The following MARCHF1 variants were observed in gnomAD, a reference collection of about 807,000 sequenced individuals.
MARCHF1 encodes the protein membrane associated ring-CH-type finger 1.
MARCHF1 carries 40 observed loss-of-function variants against 54.2 expected under a neutral mutation model. The ratio of observed to expected loss-of-function variants is 0.74; its 90% CI spans 0.57 to 0.96. The LOEUF (loss-of-function observed/expected upper bound fraction) is 0.96, where lower values mean the gene tolerates loss of function less well. Ranked by LOEUF, MARCHF1 falls within the 40% of genes least tolerant of loss-of-function variation. The pLI is 0.00. For missense variants in MARCHF1, 586 were observed against 656.5 expected, an observed-to-expected ratio of 0.89 and a Z score of 1.17; for synonymous variants, 236 against 236.3, an observed-to-expected ratio of 1.00 and a Z score of 0.01.
At position 163,715,752 on chromosome 4, in the gene MARCHF1, T is replaced by A. The variant is rs144569607; in HGVS notation, c.112-14889A>T. 5.1e-3 allele frequency among the ~76,000 whole-genome samples: 773 copies of A among 151,064 alleles called. 3 individuals carry two copies. Among genetic ancestry groups the A allele is most frequent in the African/African-American group, 0.018 (750 of 41,310 alleles). On this transcript the variant is annotated intron_variant, in intron 4 of 9. Coordinates refer to ENST00000514618, the MANE Select transcript of MARCHF1 (RefSeq NM_001394959.1). ...CTCACTAGGGATAAAATAAAATAAATAAGGGCTAGTGTATCTGCTGAAAAT... is the reference window on the plus strand; with the variant it reads ...CTCACTAGGGATAAAATAAAATAAAAAAGGGCTAGTGTATCTGCTGAAAAT...
At chr4:164,129,471 C>T (rs1419394694) in intron 1 of MARCHF1, among the ~76,000 whole-genome samples, 1 of 106,692 alleles carries the variant, frequency 9.4e-6, no homozygotes, top group African/African-American at 3.8e-5. Context: ...AAATTTGAGA[C>T]CTTCCTTCCA....
intron 5 of MARCHF1, among the ~76,000 whole-genome samples, chr4:163,616,043 C>A (rs1006477826): frequency 6.6e-6 from 1 of 152,110 alleles, no homozygotes; most frequent in African/African-American, 2.4e-5. Context: ...AGACTTCTAT[C>A]TTTCACTATA....
intron 5 of MARCHF1, among the ~76,000 whole-genome samples, chr4:163,693,200 T>C (rs1184877708): frequency 1.3e-5 from 2 of 151,360 alleles, no homozygotes; most frequent in African/African-American, 4.9e-5. Context: ...GAGTAGGAAA[T>C]AAAACGAACG....
chr4:163,981,297 C>T (rs1193228350), intron 3 of MARCHF1, among the ~76,000 whole-genome samples: 1 of 152,208 alleles, frequency 6.6e-6, no homozygotes, highest in African/African-American at 2.4e-5. Flanking sequence ...GCTTCACTTT[C>T]GTTATCCAGA....
intron 1 of MARCHF1, among the ~76,000 whole-genome samples, chr4:164,191,040 C>A (rs1471878296): frequency 6.6e-6 from 1 of 152,170 alleles, no homozygotes; most frequent in Non-Finnish European, 1.5e-5. Context: ...CAGGATAGAT[C>A]CACAGAATTG....
At chr4:164,326,314 A>G (rs768802943) in intron 1 of MARCHF1, among the ~76,000 whole-genome samples, 25 of 152,232 alleles carry the variant, frequency 1.6e-4, no homozygotes, top group Non-Finnish European at 3.2e-4. Flanking sequence ...GATCCACATC[A>G]TCTTCTGATC....
At chr4:163,954,002 G>C (rs1308302189) in intron 3 of MARCHF1, among the ~76,000 whole-genome samples, 4 of 152,126 alleles carry the variant, frequency 2.6e-5, no homozygotes, top group Non-Finnish European at 5.9e-5. Context: ...TTCATGAGCA[G>C]GCTACTGTTC....
intron 2 of MARCHF1, among the ~76,000 whole-genome samples, chr4:164,090,566 T>C (rs187112551): frequency 6.6e-6 from 1 of 152,188 alleles, no homozygotes; most frequent in East Asian, 1.9e-4. Context: ...TTTTATAGCT[T>C]CACAATAAAA....
chr4:163,818,096 A>G (rs1052994192), intron 4 of MARCHF1, among the ~76,000 whole-genome samples: 4 of 151,872 alleles, frequency 2.6e-5, no homozygotes, highest in African/African-American at 9.7e-5. Context: ...ATGTACCCTA[A>G]AACTTAAAGT....
intron 1 of MARCHF1, among the ~76,000 whole-genome samples, chr4:164,351,167 C>T (rs1396256595): frequency 3.3e-5 from 5 of 151,710 alleles, no homozygotes; most frequent in South Asian, 2.1e-4. Flanking sequence ...AACTGCAAGG[C>T]GGCAGCGAGG....
chr4:164,045,041 G>A (rs1176239236), intron 2 of MARCHF1, among the ~76,000 whole-genome samples: 1 of 151,366 alleles, frequency 6.6e-6, no homozygotes, highest in Non-Finnish European at 1.5e-5. Flanking sequence ...GCTCTTGTGG[G>A]ATATATTAAA....
At chr4:164,093,311 T>A (rs1755342882) in intron 2 of MARCHF1, among the ~76,000 whole-genome samples, 1 of 152,250 alleles carries the variant, frequency 6.6e-6, no homozygotes, top group Admixed American at 6.5e-5. Flanking sequence ...ACATTTTTCT[T>A]CCTTTTGGAG....
chr4:163,719,846 T>C (rs951700027), intron 4 of MARCHF1, among the ~76,000 whole-genome samples: 3 of 152,224 alleles, frequency 2.0e-5, no homozygotes, highest in African/African-American at 4.8e-5. Context: ...GAAGTGTCTG[T>C]TCATATTCTT....
intron 4 of MARCHF1, among the ~76,000 whole-genome samples, chr4:163,834,714 G>T (rs984558435): frequency 1.3e-5 from 2 of 148,572 alleles, no homozygotes; most frequent in Non-Finnish European, 3.0e-5. Context: ...ACCAAACACC[G>T]CATATTCTCA....
intron 1 of MARCHF1, among the ~76,000 whole-genome samples, chr4:164,376,488 G>T (rs1731196703): frequency 6.6e-6 from 1 of 152,128 alleles, no homozygotes; most frequent in Non-Finnish European, 1.5e-5. Context: ...ATAATACAAG[G>T]TGATCCCGGA....
intron 1 of MARCHF1, among the ~76,000 whole-genome samples, chr4:164,297,913 G>T (rs1035524794): frequency 6.6e-6 from 1 of 152,296 alleles, no homozygotes; most frequent in African/African-American, 2.4e-5. Context: ...ACTTACTTAA[G>T]TATTAAATAG....
chr4:164,307,260 A>G (rs927812637), intron 1 of MARCHF1, among the ~76,000 whole-genome samples: 1 of 152,224 alleles, frequency 6.6e-6, no homozygotes, highest in Non-Finnish European at 1.5e-5. Context: ...GGAAAACCTC[A>G]GTATTTACCT....
intron 4 of MARCHF1, among the ~76,000 whole-genome samples, chr4:163,725,254 G>A (rs12331996): frequency 0.025 from 3,774 of 152,172 alleles, 159 homozygotes; most frequent in African/African-American, 0.085. Context: ...AAGAATTACA[G>A]AAAGGGGTAA....
chr4:163,989,455 A>C (rs1383698382), intron 2 of MARCHF1, among the ~76,000 whole-genome samples: 1 of 152,158 alleles, frequency 6.6e-6, no homozygotes, highest in Non-Finnish European at 1.5e-5. Flanking sequence ...ATAGAGCTCT[A>C]TACTACTCAT....
Sources: gnomAD v4.1 joint callset for allele counts (sites outside exome capture counted in the v4.1 genomes callset) on GRCh38, gnomAD v4.1.1 for gene constraint, MANE v1.5 for transcripts, NCBI Gene and HGNC (gene_info 2026-07-23, HGNC 2026-07-21) for gene names.